The following GPC5 variants were observed in gnomAD, a reference collection of about 807,000 sequenced individuals.
GPC5 encodes the protein glypican-5.
Under a neutral mutation model 53.9 loss-of-function variants are expected in GPC5, and 47 were observed. The observed-to-expected ratio is 0.87, with a 90% CI of 0.69 to 1.11. The LOEUF (loss-of-function observed/expected upper bound fraction) is 1.11. Among genes scored for constraint, GPC5 ranks in the 50% most tolerant of loss-of-function variants. The pLI is 0.00. For missense variants in GPC5, 748 were observed against 713.1 expected, an observed-to-expected ratio of 1.05 and a Z score of -0.56; for synonymous variants, 286 against 263.3, an observed-to-expected ratio of 1.09 and a Z score of -0.84.
chr13:92,187,853 T>C (rs985946286), intron 7 of GPC5, among the ~76,000 whole-genome samples: 5 of 152,228 alleles, frequency 3.3e-5, no homozygotes, highest in Admixed American at 3.3e-4. Flanking sequence ...TCAGACTTAA[T>C]TACTCATGTA....
chr13:92,565,237 A>G (rs1882826799), intron 7 of GPC5, among the ~76,000 whole-genome samples: 1 of 152,162 alleles, frequency 6.6e-6, no homozygotes, highest in African/African-American at 2.4e-5. Flanking sequence ...AAGTTTTCCA[A>G]AATGGGTTAT....
intron 6 of GPC5, among the ~76,000 whole-genome samples, chr13:91,947,450 G>A (rs1484312828): frequency 1.3e-5 from 2 of 151,842 alleles, no homozygotes; most frequent in East Asian, 3.9e-4. Flanking sequence ...AATTAATTAA[G>A]TTTAATTTTG....
At chr13:91,835,635 C>T (rs1318375143) in intron 5 of GPC5, among the ~76,000 whole-genome samples, 1 of 151,416 alleles carries the variant, frequency 6.6e-6, no homozygotes, top group Non-Finnish European at 1.5e-5. Flanking sequence ...AACACAAGAA[C>T]AGAAAACCAA....
intron 7 of GPC5, among the ~76,000 whole-genome samples, chr13:92,460,290 G>A (rs1878427195): frequency 6.6e-6 from 1 of 151,952 alleles, no homozygotes; most frequent in East Asian, 1.9e-4. Context: ...TTAATTTTAT[G>A]TCTTTTCACT....
intron 1 of GPC5, among the ~76,000 whole-genome samples, chr13:91,399,724 G>A (rs1876781707): frequency 6.6e-6 from 1 of 152,152 alleles, no homozygotes; most frequent in South Asian, 2.1e-4. Flanking sequence ...TTAGGACTTG[G>A]ACCCTGTGCA....
rs58251052 is a variant in GPC5, at chr13:92,381,962, G to GTATCTATC, written c.1561+237009_1561+237016dup. On this transcript the variant is annotated intron_variant, in intron 7 of 7. Coordinates refer to ENST00000377067, the MANE Select transcript of GPC5 (RefSeq NM_004466.6). ...TATGAAATAATATCTATGTATGTAT[G>GTATCTATC]TATCTATCTATCTATCTATCTATCT... 2.5e-3 allele frequency among the ~76,000 whole-genome samples: 312 copies of GTATCTATC among 126,294 alleles called. 4 individuals are homozygous for GTATCTATC. The highest frequency in any genetic ancestry group is 7.4e-3 in the African/African-American group (265 of 35,886). The allele number at this position is 126,294 out of a possible 152,430, so 82.9% of individuals were successfully genotyped here.
intron 2 of GPC5, among the ~76,000 whole-genome samples, chr13:91,569,945 C>T (rs1384264613): frequency 6.6e-6 from 1 of 152,074 alleles, no homozygotes; most frequent in Admixed American, 6.6e-5. Flanking sequence ...TACCCATTCT[C>T]ATGTATTTTG....
chr13:92,129,562 G>T (rs779708893), intron 6 of GPC5, among the ~76,000 whole-genome samples: 1 of 152,064 alleles, frequency 6.6e-6, no homozygotes, highest in African/African-American at 2.4e-5. Flanking sequence ...AGAATTAAGC[G>T]GACAAATTTA....
chr13:92,433,864 T>C (rs1376867508), intron 7 of GPC5, among the ~76,000 whole-genome samples: 1 of 151,886 alleles, frequency 6.6e-6, no homozygotes, highest in Admixed American at 6.6e-5. Context: ...GATAAGATGT[T>C]CCTCCAAAAA....
chr13:92,714,592 C>T (rs1196689978), intron 7 of GPC5, among the ~76,000 whole-genome samples: 2 of 152,124 alleles, frequency 1.3e-5, no homozygotes, highest in Non-Finnish European at 2.9e-5. Flanking sequence ...TAGATATCAT[C>T]GTTCTCTCTT....
chr13:92,168,356 A>G (rs781737267), intron 7 of GPC5, among the ~76,000 whole-genome samples: 10 of 152,236 alleles, frequency 6.6e-5, no homozygotes, highest in Non-Finnish European at 1.3e-4. Flanking sequence ...GTTAAACTAT[A>G]GAGCTTCCGC....
chr13:92,101,730 G>C (rs1016806215), intron 6 of GPC5, among the ~76,000 whole-genome samples: 3 of 152,162 alleles, frequency 2.0e-5, no homozygotes, highest in African/African-American at 4.8e-5. Context: ...AGGGGATAAA[G>C]TGACCTGTTC....
At chr13:91,613,695 A>G (rs1294335913) in intron 2 of GPC5, among the ~76,000 whole-genome samples, 3 of 152,228 alleles carry the variant, frequency 2.0e-5, no homozygotes, top group Non-Finnish European at 4.4e-5. Context: ...CAACTTCGGT[A>G]TATTGACCTG....
intron 2 of GPC5, among the ~76,000 whole-genome samples, chr13:91,607,934 A>T (rs777083751): frequency 1.3e-5 from 2 of 152,206 alleles, no homozygotes; most frequent in Non-Finnish European, 2.9e-5. Context: ...TTTTCTGAGT[A>T]ATGGTGATTT....
chr13:92,509,375 CT>C (rs1252786079), intron 7 of GPC5: 1 of 152,168 alleles, frequency 6.6e-6, no homozygotes, highest in Non-Finnish European at 1.5e-5. Context: ...AAAAGGTTCT[CT>C]CTGCTTAATT....
intron 7 of GPC5, among the ~76,000 whole-genome samples, chr13:92,790,028 C>T (rs971582686): frequency 6.6e-6 from 1 of 152,128 alleles, no homozygotes; most frequent in African/African-American, 2.4e-5. Context: ...AAGCATCCAG[C>T]ACGGTAGAAA....
intron 6 of GPC5, among the ~76,000 whole-genome samples, chr13:92,062,235 A>G (rs2041130345): frequency 6.6e-6 from 1 of 151,918 alleles, no homozygotes; most frequent in Admixed American, 6.6e-5. Context: ...AACTATTGAT[A>G]AGGTGATAAA....
At chr13:92,614,680 T>G (rs1884623470) in intron 7 of GPC5, among the ~76,000 whole-genome samples, 1 of 152,210 alleles carries the variant, frequency 6.6e-6, no homozygotes, top group South Asian at 2.1e-4. Flanking sequence ...TCAATGTCTA[T>G]GTCTGTCACT....
At chr13:92,562,690 A>T (rs1289899853) in intron 7 of GPC5, among the ~76,000 whole-genome samples, 1 of 152,004 alleles carries the variant, frequency 6.6e-6, no homozygotes, top group Non-Finnish European at 1.5e-5. Context: ...GCTAGATTCC[A>T]GTCCAAGAGA....
Sources: gnomAD v4.1 joint callset for allele counts (sites outside exome capture counted in the v4.1 genomes callset) on GRCh38, gnomAD v4.1.1 for gene constraint, MANE v1.5 for transcripts, NCBI Gene and HGNC (gene_info 2026-07-23, HGNC 2026-07-21) for gene names.